The following PDIA6 variants were observed in gnomAD, a reference collection of about 807,000 sequenced individuals.
PDIA6 encodes the protein protein disulfide-isomerase A6.
PDIA6 carries 29 observed loss-of-function variants against 58.4 expected under a neutral mutation model. The ratio of observed to expected loss-of-function variants is 0.50; its 90% CI spans 0.37 to 0.68. The LOEUF is 0.68. PDIA6 is among the 30% of genes least tolerant of loss of function. The pLI, the probability that PDIA6 is intolerant of heterozygous loss-of-function variation, is 0.00. For missense variants in PDIA6, 480 were observed against 551.0 expected, an observed-to-expected ratio of 0.87 and a Z score of 1.29; for synonymous variants, 192 against 202.6, an observed-to-expected ratio of 0.95 and a Z score of 0.44.
chr2:10,812,841 C>T (rs912386564), upstream of PDIA6: 178 of 1,168,588 alleles, frequency 1.5e-4, no homozygotes, highest in African/African-American at 2.6e-3. Context: ...GGCCGGAAGG[C>T]GCTCGCCAAG....
chr2:10,820,746 C>CA (rs1188217786), intron 1 of PDIA6: 2 of 702,848 alleles, frequency 2.8e-6, no homozygotes, highest in Non-Finnish European at 5.2e-6. Context: ...GGCCCGAAGC[C>CA]AGGGAGCTGG....
At chr2:10,810,172 C>G in intron 1 of PDIA6, 1 of 779,088 alleles carries the variant, frequency 1.3e-6, no homozygotes, top group South Asian at 1.5e-5. Flanking sequence ...TTTAAGAACC[C>G]TATGTGGTAT....
chr2:10,797,335 A>G (rs975318060), intron 3 of PDIA6, 128 bp from the exon 4 acceptor site: 1 of 851,942 alleles, frequency 1.2e-6, no homozygotes, highest in Non-Finnish European at 1.8e-6. Flanking sequence ...CAATCAGTCA[A>G]TAAGGGCTTT....
chr2:10,826,239 T>C (rs1667551297), intron 1 of PDIA6, among the ~76,000 whole-genome samples: 1 of 152,194 alleles, frequency 6.6e-6, no homozygotes, highest in African/African-American at 2.4e-5. Flanking sequence ...ACATGATTAC[T>C]TTCATATTCA....
At chr2:10,816,352 C>G (rs982046676), upstream of PDIA6, among the ~76,000 whole-genome samples, 46 of 150,458 alleles carry the variant, frequency 3.1e-4, no homozygotes, top group Non-Finnish European at 5.3e-4. Context: ...TCCCAAAGTG[C>G]TGGGATTATA....
rs372665093 is a variant in PDIA6, at chr2:10,819,337, CAGG to C, written c.-33_-31del. The C allele has an allele frequency of 6.1e-5, 93 of 1,534,190 alleles. No individual in the cohort carries two copies. The African/African-American group carries it at 1.1e-3, about 18-fold the overall frequency. ...GGACTTTTCCTTGATAGGGAGTGGG[CAGG>C]AGAAGTTGGTGAGCCTGAAAGTGAG... is the stretch of plus-strand genomic sequence containing the variant. On this transcript the variant is annotated 5_prime_UTR_variant, in exon 2 of 14. Transcript: ENST00000381611.
chr2:10,815,102 CT>C (rs1259040046), upstream of PDIA6, among the ~76,000 whole-genome samples: 4 of 22,762 alleles, frequency 1.8e-4, no homozygotes, highest in East Asian at 5.9e-3. Flanking sequence ...GCACAGGCTT[CT>C]GGAAATGCAC....
At chr2:10,796,775 T>C (rs893658221) in intron 4 of PDIA6, among the ~76,000 whole-genome samples, 1 of 152,220 alleles carries the variant, frequency 6.6e-6, no homozygotes, top group Non-Finnish European at 1.5e-5. Context: ...AGAAAATACA[T>C]GTAGATCTTT....
upstream of PDIA6, among the ~76,000 whole-genome samples, chr2:10,833,333 T>C (rs1026276909): frequency 2.6e-5 from 4 of 152,144 alleles, no homozygotes; most frequent in African/African-American, 9.7e-5. Context: ...TTGTTAATCA[T>C]CCTTTCCCGT....
intron 11 of PDIA6, 81 bp downstream of exon 11, chr2:10,787,200 A>G (rs1665806442): frequency 8.4e-7 from 1 of 1,184,078 alleles, no homozygotes; most frequent in Non-Finnish European, 1.3e-6. Flanking sequence ...CCTGGCTTAT[A>G]TATACCTAGT....
chr2:10,811,251 T>A (rs571131376), intron 1 of PDIA6, among the ~76,000 whole-genome samples: 5 of 152,332 alleles, frequency 3.3e-5, no homozygotes, highest in African/African-American at 1.2e-4. Flanking sequence ...ATGTACTAGC[T>A]GGGCCAGGTG....
At chr2:10,833,061 G>A (rs1667749047), upstream of PDIA6, among the ~76,000 whole-genome samples, 1 of 152,114 alleles carries the variant, frequency 6.6e-6, no homozygotes, top group Non-Finnish European at 1.5e-5. Flanking sequence ...CATGGAGAAA[G>A]GCCAGGAGTC....
rs1178760002 is a variant in PDIA6, at chr2:10,789,739, A to G, written c.840+10T>C. ...AGCTTTCTGGACTACAAGCAGTTGA[A>G]GTGGTTTACCTCAAGCAGCTCAGGA... On this transcript the variant is annotated intron_variant, in intron 8 of 12. Coordinates refer to ENST00000272227, the MANE Select transcript of PDIA6 (RefSeq NM_005742.4). 5 of 1,611,424 alleles carry G rather than the reference A, an allele frequency of 3.1e-6. No individual in the cohort carries two copies. The highest frequency in any genetic ancestry group is 3.4e-6 in the Non-Finnish European group (4 of 1,179,096).
At chr2:10,785,474 G>A (rs1665678660) in intron 11 of PDIA6, among the ~76,000 whole-genome samples, 1 of 152,188 alleles carries the variant, frequency 6.6e-6, no homozygotes, top group Non-Finnish European at 1.5e-5. Context: ...ATAAACATCA[G>A]TACTTGAAAC....
At chr2:10,791,742 G>C (rs1666041984) in intron 6 of PDIA6, 53 bp downstream of exon 6, 25 of 1,533,478 alleles carry the variant, frequency 1.6e-5, no homozygotes, top group Admixed American at 9.6e-5. Context: ...ATAAGCTAAT[G>C]AATGTACTGA....
chr2:10,810,472 T>A (rs1666957388), intron 1 of PDIA6: 1 of 1,327,336 alleles, frequency 7.5e-7, no homozygotes, highest in Non-Finnish European at 9.6e-7. Context: ...TGTCCTTCCC[T>A]TTCCGTATAA....
chr2:10,790,933 T>G (rs1666007058), intron 6 of PDIA6, 100 bp from the exon 7 acceptor site: 1 of 796,982 alleles, frequency 1.3e-6, no homozygotes, highest in Non-Finnish European at 2.1e-6. Flanking sequence ...CCCTGCAGCC[T>G]CAATCTCCTG....
Position 10,784,147 on chromosome 2 carries a change from G to C in PDIA6, c.*111C>G. 4.5e-6 allele frequency: 3 copies of C among 673,014 alleles called. No individual in the cohort carries two copies. Among genetic ancestry groups the C allele is most frequent in the Non-Finnish European group, 7.3e-6 (3 of 409,648 alleles). The allele number at this position is 673,014 out of a possible 1,614,324, so 41.7% of individuals were successfully genotyped here. A position where few individuals can be genotyped will look rare whatever the true frequency, so the allele number is the denominator to read the frequency against. On this transcript the variant is annotated 3_prime_UTR_variant, in exon 13 of 13. Coordinates refer to ENST00000272227, the MANE Select transcript of PDIA6 (RefSeq NM_005742.4). ...ATGACCAATCAAGTACTACTTCTTGGTTAAAAGGCCACTGGTAGAGTCATC... is the reference window on the plus strand; with the variant it reads ...ATGACCAATCAAGTACTACTTCTTGCTTAAAAGGCCACTGGTAGAGTCATC...
At chr2:10,817,732 C>T (rs1216549890), upstream of PDIA6, among the ~76,000 whole-genome samples, 3 of 152,204 alleles carry the variant, frequency 2.0e-5, no homozygotes, top group Non-Finnish European at 4.4e-5. Context: ...ACCTTGGGGC[C>T]ACTGGAGCAG....
Sources: gnomAD v4.1 joint callset for allele counts (sites outside exome capture counted in the v4.1 genomes callset) on GRCh38, gnomAD v4.1.1 for gene constraint, MANE v1.5 for transcripts, NCBI Gene and HGNC (gene_info 2026-07-23, HGNC 2026-07-21) for gene names.